ACP6: variants seen among roughly 807,000 people sequenced by gnomAD.
ACP6 encodes the protein acid phosphatase 6, lysophosphatidic.
In ACP6, 48 loss-of-function variants were observed where a neutral mutation model predicts 48.1. The ratio of observed to expected loss-of-function variants is 1.00; its 90% CI spans 0.79 to 1.27. The LOEUF is 1.27. Ranked by LOEUF, ACP6 falls within the 50% of genes most tolerant of loss-of-function variation. The probability of loss-of-function intolerance (pLI) is 0.00; values close to 1 mark genes in which losing one functional copy is unlikely to be tolerated. For missense variants in ACP6, 485 were observed against 529.1 expected, an observed-to-expected ratio of 0.92 and a Z score of 0.82; for synonymous variants, 172 against 204.2, an observed-to-expected ratio of 0.84 and a Z score of 1.34.
At chr1:147,669,615 G>A (rs1570989403) in intron 1 of ACP6, among the ~76,000 whole-genome samples, 1 of 152,258 alleles carries the variant, frequency 6.6e-6, no homozygotes, top group South Asian at 2.1e-4. Flanking sequence ...TGCGCCATCA[G>A]GGCAAAACTG....
intron 8 of ACP6, chr1:147,649,781 T>C (rs1195833586): frequency 3.7e-6 from 1 of 273,820 alleles, no homozygotes; most frequent in Non-Finnish European, 6.9e-6. Context: ...TATCATACCT[T>C]CTTTACACTC....
At position 147,664,206 on chromosome 1, in the gene ACP6, C is replaced by T. The variant is rs78459924; in HGVS notation, c.220-4431G>A. On this transcript the variant is annotated intron_variant, in intron 1 of 9. Transcript: ENST00000583509. ...TTCTTCCTTCTTTCACAGTTAATCACTGCTCCCTCTTTCTGACCCTCTAAC... is the reference window on the plus strand; with the variant it reads ...TTCTTCCTTCTTTCACAGTTAATCATTGCTCCCTCTTTCTGACCCTCTAAC... Among the ~76,000 whole-genome samples, 924 of 152,258 alleles carry T rather than the reference C, an allele frequency of 6.1e-3. 13 individuals are homozygous for T. The highest frequency in any genetic ancestry group is 0.02 in the African/African-American group (834 of 41,544).
At position 147,670,229 on chromosome 1, in the gene ACP6, AC is replaced by A; in HGVS notation, c.-182del. 1 of 589,772 alleles carries A rather than the reference AC, an allele frequency of 1.7e-6. No individual in the cohort carries two copies. The highest frequency in any genetic ancestry group is 2.2e-5 in the South Asian group (1 of 44,630). The allele number at this position is 589,772 out of a possible 1,614,324, so 36.5% of individuals were successfully genotyped here. On this transcript the variant is annotated 5_prime_UTR_variant, in exon 1 of 10. Transcript: ENST00000583509. ...GCCCTGAGGGAGACCCCGAGTGGGA[AC>A]GGGGGAGAGAACAAGAGGTGGCAGC...
At chr1:147,650,118 A>G in intron 8 of ACP6, 25 bp downstream of exon 8, 1 of 1,595,722 alleles carries the variant, frequency 6.3e-7, no homozygotes, top group South Asian at 1.1e-5. Flanking sequence ...TTAGCTGCAC[A>G]AAGCAGAGTT....
rs186738462 is a variant in ACP6 at position 147,631,457 on chromosome 1, T to G, written c.461-392A>C. ...TCATTTATTACGTGTTTGTTTGTTT[T>G]TTAACCAGTATTTTCACTCTAGCTC... On this transcript the variant is annotated intron_variant, in intron 5 of 5. Transcript: ENST00000609196. 1.1e-4 allele frequency among the ~76,000 whole-genome samples: 16 copies of G among 152,344 alleles called. No homozygotes were observed. In the East Asian group the frequency reaches 3.1e-3, roughly 29 times the overall value.
At chr1:147,647,675 A>T in intron 9 of ACP6, 109 bp from the exon 10 acceptor site, 3 of 1,397,750 alleles carry the variant, frequency 2.1e-6, no homozygotes, top group Non-Finnish European at 2.8e-6. Flanking sequence ...ATACATGTGC[A>T]TACATATTAC....
In ACP6 at chr1:147,651,634, AG is replaced by A. The variant is rs373770978; in HGVS notation, c.881+814del. On this transcript the variant is annotated intron_variant, in intron 7 of 9. Transcript: ENST00000583509. Reference sequence around the variant, plus strand: ...CTGTGTGGCTTGGCAGGAACCTTCTAGATGCCCTAGGCTTGCACAGAAGTGG... The same window carrying A: ...CTGTGTGGCTTGGCAGGAACCTTCTAATGCCCTAGGCTTGCACAGAAGTGG... 679 of 152,252 alleles carry A rather than the reference AG, an allele frequency of 4.5e-3. 5 individuals carry two copies. The highest frequency in any genetic ancestry group is 0.015 in the African/African-American group (642 of 41,528). 9.4% of individuals were successfully genotyped at this position (152,252 alleles called of 1,614,324 possible).
intron 5 of ACP6, among the ~76,000 whole-genome samples, chr1:147,632,278 A>G (rs587651314): frequency 6.6e-6 from 1 of 151,952 alleles, no homozygotes; most frequent in South Asian, 2.1e-4. Flanking sequence ...TATGTATTTT[A>G]TCTTGCCCAC....
intron 1 of ACP6, among the ~76,000 whole-genome samples, chr1:147,660,086 G>A (rs587754230): frequency 1.6e-3 from 251 of 152,310 alleles, no homozygotes; most frequent in African/African-American, 5.6e-3. Flanking sequence ...ATGCGGATAC[G>A]TGGTGAATGA....
At chr1:147,667,547 T>C (rs1660860858) in intron 1 of ACP6, among the ~76,000 whole-genome samples, 1 of 152,208 alleles carries the variant, frequency 6.6e-6, no homozygotes. Context: ...TGCTACTTTC[T>C]GAGAATTTGT....
chr1:147,667,366 C>T (rs1660850911), intron 1 of ACP6, among the ~76,000 whole-genome samples: 1 of 151,816 alleles, frequency 6.6e-6, no homozygotes, highest in Non-Finnish European at 1.5e-5. Context: ...TACAGGCGCC[C>T]ACCACCACAC....
chr1:147,639,874 A>G (rs781820306), downstream of ACP6, among the ~76,000 whole-genome samples: 5 of 151,970 alleles, frequency 3.3e-5, no homozygotes, highest in Non-Finnish European at 7.4e-5. Flanking sequence ...TTTCCTACCA[A>G]TATAAACAGC....
In ACP6 at chr1:147,647,493, G is replaced by A; in HGVS notation, c.1217C>T (p.Thr406Ile). 6.2e-7 allele frequency: 1 copy of A among 1,614,126 alleles called. No homozygotes were observed. The highest frequency in any genetic ancestry group is 1.1e-5 in the South Asian group (1 of 91,078). The change falls in exon 10 of 10, where the codon ACC becomes ATC. Residue 406 changes from threonine to isoleucine, a missense_variant. Transcript: ENST00000583509. ...TGCGTGGTATTTTTCTGGGCTTAAG[G>A]TATAAACTGACATGGCATTCAAGAA... is the stretch of plus-strand genomic sequence containing the variant. The part of the protein sequence containing the change: ...DMFLNAMSVY[T>I]LSPEKYHALC...
At position 147,654,200 on chromosome 1, in the gene ACP6, G is replaced by C. The variant is rs782753747; in HGVS notation, c.774C>G (p.Ala258=). ...CCCCAACCCCAGGACTCACCTGCTC[G>C]GCAGCCACGTTGTCCAGGAGGATGA... is the stretch of plus-strand genomic sequence containing the variant. ...DFFILLDNVA[A]EQAHNLPSCP... The change falls in exon 6 of 10, where the codon GCC becomes GCG. Residue 258 remains alanine (A), a synonymous_variant. Transcript: ENST00000583509. The C allele has an allele frequency of 3.1e-6, 5 of 1,614,010 alleles. No homozygotes were observed. The highest frequency in any genetic ancestry group is 4.2e-6 in the Non-Finnish European group (5 of 1,179,968).
At chr1:147,638,130 T>C (rs1374349745), downstream of ACP6, among the ~76,000 whole-genome samples, 2 of 152,210 alleles carry the variant, frequency 1.3e-5, no homozygotes, top group Admixed American at 6.5e-5. Flanking sequence ...GTTCACTGCA[T>C]ACAGCAGTGA....
chr1:147,648,178 T>C, intron 9 of ACP6, 68 bp downstream of exon 9: 1 of 1,573,930 alleles, frequency 6.4e-7, no homozygotes, highest in Non-Finnish European at 8.7e-7. Flanking sequence ...GACTTGGTGC[T>C]AACTCAGGTA....
intron 8 of ACP6, 107 bp downstream of exon 8, chr1:147,650,036 G>T: frequency 1.1e-6 from 1 of 894,996 alleles, no homozygotes. Flanking sequence ...TCTACCTTCG[G>T]TCACTGACAG....
chr1:147,655,350 G>T, intron 4 of ACP6, 102 bp from the exon 5 acceptor site: 1 of 858,698 alleles, frequency 1.2e-6, no homozygotes, highest in Non-Finnish European at 1.9e-6. Flanking sequence ...GCAGAGATCT[G>T]CTCTGAGAGG....
At chr1:147,662,264 G>C (rs782788021) in intron 1 of ACP6, among the ~76,000 whole-genome samples, 8 of 151,210 alleles carry the variant, frequency 5.3e-5, no homozygotes, top group Non-Finnish European at 8.9e-5. Flanking sequence ...CCTTTCTGCA[G>C]CCCATGGCCC....
Sources: allele counts gnomAD v4.1 joint callset (sites outside exome capture counted in the v4.1 genomes callset), GRCh38; gene constraint gnomAD v4.1.1; transcripts MANE v1.5; gene names NCBI Gene and HGNC (gene_info 2026-07-23, HGNC 2026-07-21).